The following CSMD1 variants were observed in gnomAD, a reference collection of about 807,000 sequenced individuals.
CSMD1 encodes CUB and sushi domain-containing protein 1.
In CSMD1, 213 loss-of-function variants were observed where a neutral mutation model predicts 417.5. That is an observed-to-expected ratio of 0.51 (90% CI 0.46 to 0.57). The LOEUF (loss-of-function observed/expected upper bound fraction) is 0.57. Among genes scored for constraint, CSMD1 ranks in the 20% least tolerant of loss-of-function variants. The probability of loss-of-function intolerance (pLI) is 0.00; values close to 1 mark genes in which losing one functional copy is unlikely to be tolerated. For missense variants in CSMD1, 6,923 were observed against 4,529.7 expected (o/e 1.53, Z -15.17); for synonymous variants, 2,862 against 1,736.8 (o/e 1.65, Z -16.11).
chr8:4,813,561 C>T (rs1451106139), intron 1 of CSMD1, among the ~76,000 whole-genome samples: 3 of 152,050 alleles, frequency 2.0e-5, no homozygotes, highest in Non-Finnish European at 2.9e-5. Context: ...TTCCAGAAGC[C>T]CTAGAGAAAC....
intron 49 of CSMD1, among the ~76,000 whole-genome samples, chr8:3,085,303 C>T (rs1814445284): frequency 6.6e-6 from 1 of 152,192 alleles, no homozygotes; most frequent in South Asian, 2.1e-4. Flanking sequence ...ACCATATTGA[C>T]TCCCAGGTTA....
chr8:3,451,367 G>C (rs1295950910), intron 12 of CSMD1, among the ~76,000 whole-genome samples: 1 of 152,148 alleles, frequency 6.6e-6, no homozygotes, highest in Admixed American at 6.5e-5. Flanking sequence ...TGCTTTTGGT[G>C]TTTTAGACAT....
chr8:4,131,888 A>G (rs911917986), intron 3 of CSMD1, among the ~76,000 whole-genome samples: 1 of 146,748 alleles, frequency 6.8e-6, no homozygotes, highest in Non-Finnish European at 1.5e-5. Flanking sequence ...TTAGTCTCCC[A>G]TGTAGCTGGG....
At chr8:3,246,100 T>C (rs1420553757) in intron 26 of CSMD1, among the ~76,000 whole-genome samples, 1 of 152,186 alleles carries the variant, frequency 6.6e-6, no homozygotes, top group Non-Finnish European at 1.5e-5. Flanking sequence ...TAGGAAGATC[T>C]GCTAAGAAGG....
chr8:4,005,756 A>G (rs552955859), intron 4 of CSMD1, among the ~76,000 whole-genome samples: 35 of 152,194 alleles, frequency 2.3e-4, no homozygotes, highest in Non-Finnish European at 4.9e-4. Flanking sequence ...GTTATTGTAT[A>G]CAAGCAAACA....
Position 4,472,311 on chromosome 8 carries a change from G to C in CSMD1, c.303-52246C>G, listed in dbSNP as rs557793794. Among the ~76,000 whole-genome samples the C allele has an allele frequency of 2.6e-4, 40 of 152,092 alleles. 1 individual carries two copies. In the South Asian group the frequency reaches 7.7e-3, roughly 29 times the overall value. ...AAAAGTAAAGCTCTAATTTTTACTT[G>C]ACAACTTACCAATAGTAGAGAAAGC... On this transcript the variant is annotated intron_variant, in intron 2 of 69. Transcript: ENST00000635120.
intron 7 of CSMD1, among the ~76,000 whole-genome samples, chr8:3,696,102 C>G (rs1033242406): frequency 6.6e-6 from 1 of 152,126 alleles, no homozygotes; most frequent in African/African-American, 2.4e-5. Flanking sequence ...TCCTACATAT[C>G]AGTTACCTTG....
At chr8:3,116,405 T>G (rs1485776539) in intron 42 of CSMD1, among the ~76,000 whole-genome samples, 1 of 152,204 alleles carries the variant, frequency 6.6e-6, no homozygotes, top group Non-Finnish European at 1.5e-5. Context: ...ATGTGTCTTT[T>G]CCCTGGAATA....
intron 10 of CSMD1, among the ~76,000 whole-genome samples, chr8:3,499,159 C>T (rs1200220819): frequency 6.6e-6 from 1 of 152,118 alleles, no homozygotes; most frequent in Non-Finnish European, 1.5e-5. Flanking sequence ...AAACTTTTTC[C>T]TGTAGATGTG....
At chr8:4,011,277 C>G (rs898802797) in intron 4 of CSMD1, among the ~76,000 whole-genome samples, 1 of 152,170 alleles carries the variant, frequency 6.6e-6, no homozygotes, top group South Asian at 2.1e-4. Flanking sequence ...TTCAAAACGA[C>G]TATTTGTGTT....
At position 2,950,405 on chromosome 8, in the gene CSMD1, C is replaced by G. The variant is rs1196765738; in HGVS notation, c.10202-62G>C. The G allele has an allele frequency of 6.3e-6, 6 of 948,312 alleles. No individual in the cohort carries two copies. The Admixed American group carries it at 1.0e-4, about 16-fold the overall frequency. The allele number at this position is 948,312 out of a possible 1,614,324, so 58.7% of individuals were successfully genotyped here. ...AAAGTTAGTAATTCAGCCCTTTAAT[C>G]CATTTGATGTGGAATGTGGTACGGA... is the stretch of plus-strand genomic sequence containing the variant. On this transcript the variant is annotated intron_variant, in intron 66 of 69. Coordinates refer to ENST00000635120, the MANE Select transcript of CSMD1 (RefSeq NM_033225.6).
At chr8:4,260,536 A>T (rs1803804745) in intron 3 of CSMD1, among the ~76,000 whole-genome samples, 1 of 152,218 alleles carries the variant, frequency 6.6e-6, no homozygotes, top group Non-Finnish European at 1.5e-5. Flanking sequence ...GCAAGCACAT[A>T]GCCAGAATAC....
chr8:3,769,209 G>A (rs1035136064), intron 5 of CSMD1, among the ~76,000 whole-genome samples: 28 of 152,102 alleles, frequency 1.8e-4, no homozygotes, highest in African/African-American at 6.8e-4. Context: ...CAGACATGTT[G>A]GTGACACCTA....
At chr8:4,916,114 G>A (rs756419380) in intron 1 of CSMD1, among the ~76,000 whole-genome samples, 1 of 152,222 alleles carries the variant, frequency 6.6e-6, no homozygotes, top group African/African-American at 2.4e-5. Context: ...TGCTTCAGCA[G>A]GAGTCTGATG....
At chr8:4,321,023 C>T (rs1799245199) in intron 3 of CSMD1, among the ~76,000 whole-genome samples, 1 of 152,174 alleles carries the variant, frequency 6.6e-6, no homozygotes, top group South Asian at 2.1e-4. Context: ...ATTTCCCATA[C>T]ACATTCATAT....
chr8:3,488,620 C>T (rs574391839), intron 11 of CSMD1, among the ~76,000 whole-genome samples: 1 of 152,288 alleles, frequency 6.6e-6, no homozygotes, highest in Admixed American at 6.5e-5. Flanking sequence ...ATGGCTTATT[C>T]TCTCTCTGCC....
chr8:4,333,201 G>C (rs901750296), intron 3 of CSMD1, among the ~76,000 whole-genome samples: 9 of 152,132 alleles, frequency 5.9e-5, no homozygotes, highest in African/African-American at 1.7e-4. Context: ...GCCACTCACA[G>C]TTCTGAACAA....
rs907488999 is a variant in CSMD1 at position 4,794,456 on chromosome 8, T to C, written c.86-156898A>G. ...GCATTTAAAACAAAATGGTTCCTCA[T>C]TGCTCTTAAAATCCAGTACAAAATG... is the stretch of plus-strand genomic sequence containing the variant. On this transcript the variant is annotated intron_variant, in intron 1 of 69. Coordinates refer to ENST00000635120, the MANE Select transcript of CSMD1 (RefSeq NM_033225.6). Among the ~76,000 whole-genome samples, 3 of 152,166 alleles carry C rather than the reference T, an allele frequency of 2.0e-5. 1 individual carries two copies. The highest frequency in any genetic ancestry group is 4.1e-4 in the South Asian group (2 of 4,828).
chr8:3,018,347 G>A, intron 52 of CSMD1, 130 bp downstream of exon 52: 1 of 746,944 alleles, frequency 1.3e-6, no homozygotes, highest in Non-Finnish European at 2.1e-6. Context: ...AATCACACTG[G>A]GAGGTGCAGC....
Sources: allele counts gnomAD v4.1 joint callset (sites outside exome capture counted in the v4.1 genomes callset), GRCh38; gene constraint gnomAD v4.1.1; transcripts MANE v1.5; gene names NCBI Gene and HGNC (gene_info 2026-07-23, HGNC 2026-07-21).